Variants in ACSF3 observed in about 807,000 individuals in gnomAD.
ACSF3 encodes the protein acyl-CoA synthetase family member 3.
A neutral mutation model predicts 53.2 loss-of-function variants in ACSF3; 78 were observed. The ratio of observed to expected loss-of-function variants is 1.47; its 90% CI spans 1.22 to 1.77. The LOEUF (loss-of-function observed/expected upper bound fraction) is 1.77, where lower values mean the gene tolerates loss of function less well. ACSF3 is among the 40% of genes most tolerant of loss of function. ACSF3 has a pLI of 0.00. For synonymous variants in ACSF3, 414 were observed against 333.1 expected (o/e 1.24, Z -2.65); for missense variants, 937 against 771.1 (o/e 1.22, Z -2.55).
chr16:89,129,669 G>A (rs1487440485), intron 7 of ACSF3, among the ~76,000 whole-genome samples: 3 of 151,976 alleles, frequency 2.0e-5, no homozygotes, highest in Non-Finnish European at 4.4e-5. Flanking sequence ...GTTTACTATT[G>A]TTCCCTGAGA....
In ACSF3 at chr16:89,120,899, G is replaced by T. The variant is rs754865511; in HGVS notation, c.1225G>T (p.Glu409Ter). Residue 409 changes from glutamate (E) to a stop codon, truncating the protein, a stop_gained, in exon 7 of 11, where the codon GAG (glutamate) becomes TAG (stop). Transcript: ENST00000614302. LOFTEE classifies it high-confidence loss of function. ...CTACACCATCCACGCAGAGGGAGAC[G>T]AGAGGGGGACCAAGGTAAGCCACTC... ...CSYTIHAEGD[E>*]RGTKVTPGFE... is the part of the protein sequence containing the mutation. 1.2e-6 allele frequency: 2 copies of T among 1,613,888 alleles called. No homozygotes were observed. Among genetic ancestry groups the T allele is most frequent in the African/African-American group, 1.3e-5 (1 of 75,068 alleles).
At chr16:89,094,313 T>C (rs1974357366) in intron 1 of ACSF3, among the ~76,000 whole-genome samples, 1 of 152,210 alleles carries the variant, frequency 6.6e-6, no homozygotes, top group African/African-American at 2.4e-5. Context: ...TGGTTGTGTT[T>C]GGAATAAATT....
intron 7 of ACSF3, among the ~76,000 whole-genome samples, chr16:89,128,579 A>T (rs1453968678): frequency 6.6e-6 from 1 of 152,018 alleles, no homozygotes; most frequent in Non-Finnish European, 1.5e-5. Context: ...ATATATTTTT[A>T]TTTTCATTTA....
At chr16:89,121,804 C>A (rs980773706) in intron 7 of ACSF3, among the ~76,000 whole-genome samples, 2 of 152,220 alleles carry the variant, frequency 1.3e-5, no homozygotes, top group Non-Finnish European at 2.9e-5. Flanking sequence ...AGCCACACGC[C>A]CTCCTTGTAC....
chr16:89,144,076 A>C (rs116775990), intron 8 of ACSF3, among the ~76,000 whole-genome samples: 1 of 152,326 alleles, frequency 6.6e-6, no homozygotes, highest in African/African-American at 2.4e-5. Context: ...ACAGTCACGC[A>C]TACCGCGCCC....
chr16:89,119,184 C>G (rs1310435425), intron 6 of ACSF3, among the ~76,000 whole-genome samples: 1 of 152,250 alleles, frequency 6.6e-6, no homozygotes, highest in Non-Finnish European at 1.5e-5. Context: ...AATCCAGACA[C>G]CATCCCAGAG....
At chr16:89,109,892 T>A (rs1483557745) in intron 4 of ACSF3, among the ~76,000 whole-genome samples, 1 of 152,226 alleles carries the variant, frequency 6.6e-6, no homozygotes, top group Non-Finnish European at 1.5e-5. Context: ...AGTGCTGTTT[T>A]TTACGTTCTT....
chr16:89,119,958 C>A (rs984119622), intron 6 of ACSF3, among the ~76,000 whole-genome samples: 1 of 152,342 alleles, frequency 6.6e-6, no homozygotes, highest in East Asian at 1.9e-4. Context: ...CAGGCCAGGG[C>A]AAAGGCCTCA....
intron 10 of ACSF3, chr16:89,152,038 A>T (rs1914153109): frequency 6.6e-6 from 1 of 152,384 alleles, no homozygotes; most frequent in Admixed American, 6.5e-5. Flanking sequence ...CTTGAACCTG[A>T]TGAGGGAGTC....
At chr16:89,143,711 G>A (rs1382604181) in intron 8 of ACSF3, among the ~76,000 whole-genome samples, 7 of 152,116 alleles carry the variant, frequency 4.6e-5, no homozygotes, top group Non-Finnish European at 8.8e-5. Context: ...CCCCAGGGGC[G>A]CAGTGAGACC....
intron 10 of ACSF3, chr16:89,153,606 C>T (rs562831553): frequency 2.0e-5 from 5 of 249,778 alleles, no homozygotes; most frequent in Admixed American, 1.5e-4. Context: ...GACTGTGCGG[C>T]ATTTACTCCC....
intron 8 of ACSF3, chr16:89,136,782 C>A (rs532505912): frequency 6.2e-6 from 8 of 1,287,160 alleles, no homozygotes; most frequent in Non-Finnish European, 8.1e-6. Flanking sequence ...GCTTGTGAGG[C>A]CAGGGGTCTC....
Position 89,155,025 on chromosome 16 carries a change from C to G in ACSF3, c.*818C>G, listed in dbSNP as rs1597284967. ...CCATTTCATGTCTGTGGCTCACCAGCTTTTCCCCAGACCCAGCTCCGGAGC... is the reference window on the plus strand; with the variant it reads ...CCATTTCATGTCTGTGGCTCACCAGGTTTTCCCCAGACCCAGCTCCGGAGC... On this transcript the variant is annotated 3_prime_UTR_variant, in exon 11 of 11. Coordinates refer to ENST00000614302, the MANE Select transcript of ACSF3 (RefSeq NM_001243279.3). The G allele has an allele frequency of 2.2e-6, 1 of 454,138 alleles. No individual in the cohort carries two copies. The highest frequency in any genetic ancestry group is 7.0e-5 in the East Asian group (1 of 14,384). 28.1% of individuals were successfully genotyped at this position (454,138 alleles called of 1,614,324 possible).
intron 8 of ACSF3, chr16:89,136,795 C>G (rs1344616603): frequency 7.8e-7 from 1 of 1,287,142 alleles, no homozygotes; most frequent in South Asian, 1.2e-5. Flanking sequence ...GGGGTCTCCG[C>G]TGCTGCTCAA....
At position 89,101,159 on chromosome 16, in the gene ACSF3, G is replaced by A; in HGVS notation, c.478G>A (p.Val160Ile). 6.2e-7 allele frequency: 1 copy of A among 1,613,410 alleles called. No individual in the cohort carries two copies. Among genetic ancestry groups the A allele is most frequent in the Non-Finnish European group, 8.5e-7 (1 of 1,179,780 alleles). ...QEYLELLSPV[V>I]RKLGVPLLPL... The stretch of plus-strand genomic sequence containing the variant: ...GTACCTGGAGCTCCTGAGCCCGGTG[G>A]TCAGGAAGCTGGGGGTCCCGCTGCT... The change falls in exon 3 of 11, where the codon GTC (valine) becomes ATC (isoleucine). Residue 160 changes from valine to isoleucine, a missense_variant. Transcript: ENST00000614302.
intron 7 of ACSF3, 75 bp from the exon 8 acceptor site, chr16:89,133,061 G>C: frequency 1.2e-6 from 2 of 1,606,330 alleles, no homozygotes; most frequent in Non-Finnish European, 1.7e-6. Context: ...GCAGGGAGCA[G>C]CCCACAGTTT....
intron 7 of ACSF3, among the ~76,000 whole-genome samples, chr16:89,121,811 G>A (rs1188054158): frequency 1.3e-5 from 2 of 152,224 alleles, no homozygotes; most frequent in Non-Finnish European, 2.9e-5. Context: ...CGCCCTCCTT[G>A]TACCTTGGTT....
At chr16:89,095,028 C>G (rs1974447376) in intron 1 of ACSF3, among the ~76,000 whole-genome samples, 1 of 152,248 alleles carries the variant, frequency 6.6e-6, no homozygotes, top group African/African-American at 2.4e-5. Context: ...TGTTGCTTTC[C>G]CATCCTGGGA....
At chr16:89,151,340 C>T (rs1227070361) in intron 10 of ACSF3, 3 of 402,558 alleles carry the variant, frequency 7.5e-6, no homozygotes, top group African/African-American at 6.2e-5. Context: ...TAAAACCAGA[C>T]ACAGCAAAGT....
Sources: gnomAD v4.1 joint callset for allele counts (sites outside exome capture counted in the v4.1 genomes callset) on GRCh38, gnomAD v4.1.1 for gene constraint, MANE v1.5 for transcripts, NCBI Gene and HGNC (gene_info 2026-07-23, HGNC 2026-07-21) for gene names.